Variants in HOOK3 observed in about 807,000 individuals in gnomAD.
HOOK3 encodes the protein protein Hook homolog 3.
Under a neutral mutation model 116.3 loss-of-function variants are expected in HOOK3, and 24 were observed. The ratio of observed to expected loss-of-function variants is 0.21; its 90% CI spans 0.15 to 0.29. The LOEUF (loss-of-function observed/expected upper bound fraction) is 0.29. Among genes scored for constraint, HOOK3 ranks in the 10% least tolerant of loss-of-function variants. The pLI is 1.00. For missense variants in HOOK3, 632 were observed against 830.2 expected, an observed-to-expected ratio of 0.76 and a Z score of 2.93; for synonymous variants, 275 against 283.0, an observed-to-expected ratio of 0.97 and a Z score of 0.28.
At chr8:42,940,246 G>A (rs1808081312) in intron 4 of HOOK3, among the ~76,000 whole-genome samples, 1 of 152,258 alleles carries the variant, frequency 6.6e-6, no homozygotes, top group Non-Finnish European at 1.5e-5. Flanking sequence ...TCGGGAGGCC[G>A]AGGCTGGCGG....
At chr8:42,974,750 T>G (rs977186636) in intron 13 of HOOK3, among the ~76,000 whole-genome samples, 3 of 152,112 alleles carry the variant, frequency 2.0e-5, no homozygotes, top group East Asian at 3.9e-4. Context: ...CTTTTTAAGA[T>G]GAATGCGCAA....
At chr8:42,905,195 A>C (rs1402275644) in intron 1 of HOOK3, among the ~76,000 whole-genome samples, 1 of 151,904 alleles carries the variant, frequency 6.6e-6, no homozygotes, top group Non-Finnish European at 1.5e-5. Context: ...AGAAACTGCA[A>C]CCTCACCAGA....
intron 15 of HOOK3, among the ~76,000 whole-genome samples, chr8:42,996,398 A>G (rs921444167): frequency 1.8e-4 from 27 of 151,672 alleles, no homozygotes; most frequent in African/African-American, 3.9e-4. Flanking sequence ...AAAAAAAAAA[A>G]AAAAAGAAAA....
chr8:42,900,241 A>G (rs1376108164), intron 1 of HOOK3, among the ~76,000 whole-genome samples: 1 of 152,202 alleles, frequency 6.6e-6, no homozygotes, highest in African/African-American at 2.4e-5. Flanking sequence ...ATGCTTGAAA[A>G]TTTCCACTGT....
rs1809795824 is a variant in HOOK3, at chr8:43,020,101, T to G, written c.*1603T>G. 5.0e-6 allele frequency: 1 copy of G among 198,654 alleles called. No individual in the cohort carries two copies. The highest frequency in any genetic ancestry group is 1.9e-4 in the South Asian group (1 of 5,234). 12.3% of individuals were successfully genotyped at this position (198,654 alleles called of 1,614,324 possible). A position where few individuals can be genotyped will look rare whatever the true frequency, so the allele number is the denominator to read the frequency against. ...ATAAGAAAGATGACCTAAAAATCAG[T>G]GGTATTTGTTTGTCCTCAGAAGCCG... is the stretch of plus-strand genomic sequence containing the variant. On this transcript the variant is annotated 3_prime_UTR_variant, in exon 22 of 22. Coordinates refer to ENST00000307602, the MANE Select transcript of HOOK3 (RefSeq NM_032410.4).
At chr8:42,939,545 G>A (rs561971800) in intron 4 of HOOK3, among the ~76,000 whole-genome samples, 85 of 146,940 alleles carry the variant, frequency 5.8e-4, no homozygotes, top group Admixed American at 1.2e-3. Context: ...CCTCCCTCCC[G>A]GACAGGGCGG....
intron 11 of HOOK3, among the ~76,000 whole-genome samples, chr8:42,971,973 G>A (rs1034930913): frequency 2.0e-5 from 3 of 152,170 alleles, no homozygotes; most frequent in Non-Finnish European, 2.9e-5. Flanking sequence ...GTGAGCCGCC[G>A]TGCCTGGCCT....
In HOOK3 at chr8:42,915,561, A is replaced by C. The variant is rs577319297; in HGVS notation, c.143+9303A>C. 5.3e-5 allele frequency among the ~76,000 whole-genome samples: 8 copies of C among 152,204 alleles called. No homozygotes were observed. The South Asian group carries it at 1.7e-3, about 32-fold the overall frequency. On this transcript the variant is annotated intron_variant, in intron 2 of 21. Transcript: ENST00000307602. Reference sequence around the variant, plus strand: ...ATTCTCCTGCCCCAGCCTCCCAGTTAGCTGGGATTACAGGTGCCCACCACC... The same window carrying C: ...ATTCTCCTGCCCCAGCCTCCCAGTTCGCTGGGATTACAGGTGCCCACCACC...
intron 1 of HOOK3, among the ~76,000 whole-genome samples, chr8:42,901,849 C>T (rs1387015790): frequency 6.6e-6 from 1 of 152,116 alleles, no homozygotes; most frequent in Non-Finnish European, 1.5e-5. Context: ...GCTGGGATTA[C>T]AGGCACGCAC....
At chr8:43,004,678 C>CT (rs1213237936) in intron 17 of HOOK3, among the ~76,000 whole-genome samples, 1 of 102,448 alleles carries the variant, frequency 9.8e-6, no homozygotes, top group East Asian at 2.8e-4. Context: ...AAGACTCCAT[C>CT]TAAAAAAAAA....
intron 4 of HOOK3, among the ~76,000 whole-genome samples, chr8:42,930,723 G>A (rs1318886419): frequency 1.3e-5 from 2 of 152,020 alleles, no homozygotes; most frequent in African/African-American, 4.8e-5. Context: ...GTTTATACCC[G>A]TAGCACTGAT....
chr8:42,942,898 G>A (rs980645820), intron 4 of HOOK3, among the ~76,000 whole-genome samples: 3 of 152,114 alleles, frequency 2.0e-5, no homozygotes, highest in Admixed American at 1.3e-4. Flanking sequence ...TTTTGCTGCC[G>A]GTGTTTTGGG....
rs879696564 is a variant in HOOK3 at position 42,902,276 on chromosome 8, C to CTT, written c.58-3885_58-3884dup. Among the ~76,000 whole-genome samples the CTT allele has an allele frequency of 4.6e-3, 668 of 143,764 alleles. 9 individuals carry two copies. The highest frequency in any genetic ancestry group is 0.016 in the African/African-American group (632 of 39,172). 94.3% of individuals were successfully genotyped at this position (143,764 alleles called of 152,430 possible). ...AAATGTGTATTCTCTCTCTCTCTCTCTTTTTTTTTTTTTAAGACAGGGTCT... is the reference window on the plus strand; with the variant it reads ...AAATGTGTATTCTCTCTCTCTCTCTCTTTTTTTTTTTTTTTAAGACAGGGTCT... On this transcript the variant is annotated intron_variant, in intron 1 of 21. Transcript: ENST00000307602.
chr8:43,016,371 C>T (rs1297924334), intron 21 of HOOK3, among the ~76,000 whole-genome samples: 2 of 152,120 alleles, frequency 1.3e-5, no homozygotes, highest in Non-Finnish European at 1.5e-5. Context: ...CCACCCTCCT[C>T]GGCCTCCCAA....
rs1161436192 is a variant in HOOK3 at position 43,019,858 on chromosome 8, A to G, written c.*1360A>G. ...GTAGCCCATTTTTTGAAAGCAAAACATTTCTGAAATTAGGTCATGGTTTTT... is the reference window on the plus strand; with the variant it reads ...GTAGCCCATTTTTTGAAAGCAAAACGTTTCTGAAATTAGGTCATGGTTTTT... On this transcript the variant is annotated 3_prime_UTR_variant, in exon 22 of 22. Coordinates refer to ENST00000307602, the MANE Select transcript of HOOK3 (RefSeq NM_032410.4). The G allele has an allele frequency of 4.9e-6, 1 of 203,962 alleles. No individual in the cohort carries two copies. Among genetic ancestry groups the G allele is most frequent in the Non-Finnish European group, 1.0e-5 (1 of 99,648 alleles). The allele number at this position is 203,962 out of a possible 1,614,324, so 12.6% of individuals were successfully genotyped here. A position where few individuals can be genotyped will look rare whatever the true frequency, so the allele number is the denominator to read the frequency against.
chr8:42,965,120 G>A (rs921124863), intron 9 of HOOK3, among the ~76,000 whole-genome samples: 1 of 152,230 alleles, frequency 6.6e-6, no homozygotes, highest in African/African-American at 2.4e-5. Flanking sequence ...GCCTGAAGGC[G>A]AGTTGACATG....
chr8:42,954,350 T>G (rs1484045260), intron 6 of HOOK3, among the ~76,000 whole-genome samples: 2 of 152,236 alleles, frequency 1.3e-5, no homozygotes, highest in Non-Finnish European at 2.9e-5. Context: ...TGACTTTCTA[T>G]GAACCTATCC....
intron 15 of HOOK3, among the ~76,000 whole-genome samples, chr8:42,990,090 A>G (rs1809128900): frequency 6.6e-6 from 1 of 151,702 alleles, no homozygotes; most frequent in African/African-American, 2.4e-5. Context: ...TCAACCTCCC[A>G]GGCTCAAACT....
chr8:42,935,998 C>T (rs1465201889), intron 4 of HOOK3, among the ~76,000 whole-genome samples: 3 of 152,184 alleles, frequency 2.0e-5, no homozygotes, highest in Admixed American at 6.5e-5. Context: ...GCCATTTTCA[C>T]GACATTGATT....
Sources: allele counts gnomAD v4.1 joint callset (sites outside exome capture counted in the v4.1 genomes callset), GRCh38; gene constraint gnomAD v4.1.1; transcripts MANE v1.5; gene names NCBI Gene and HGNC (gene_info 2026-07-23, HGNC 2026-07-21).